The following LRRC7 variants were observed in gnomAD, a reference collection of about 807,000 sequenced individuals.
The protein encoded by LRRC7 is leucine rich repeat containing 7.
In LRRC7, 23 loss-of-function variants were observed where a neutral mutation model predicts 175.7. The ratio of observed to expected loss-of-function variants is 0.13; its 90% CI spans 0.09 to 0.19. The LOEUF (loss-of-function observed/expected upper bound fraction) is 0.19, where lower values mean the gene tolerates loss of function less well. LRRC7 is among the 10% of genes least tolerant of loss of function. The pLI, the probability that LRRC7 is intolerant of heterozygous loss-of-function variation, is 1.00. For synonymous variants in LRRC7, 685 were observed against 680.9 expected (o/e 1.01, Z -0.09); for missense variants, 1,354 against 1,904.7 (o/e 0.71, Z 5.38).
At chr1:69,724,660 G>A (rs1287834402) in intron 2 of LRRC7, among the ~76,000 whole-genome samples, 1 of 152,020 alleles carries the variant, frequency 6.6e-6, no homozygotes, top group Non-Finnish European at 1.5e-5. Context: ...ATGTTTATTG[G>A]GCATCTGTTA....
chr1:69,616,969 T>G lies in LRRC7; in HGVS notation c.2+48328T>G, dbSNP rs531625968. ...GAACTTGTGCCTAACTTTATATCAC[T>G]AGATAAAATTCAAATGTCAGAAGTC... On this transcript the variant is annotated intron_variant, in intron 1 of 26. Coordinates refer to ENST00000651989, the MANE Select transcript of LRRC7 (RefSeq NM_001370785.2). Among the ~76,000 whole-genome samples, 4 of 152,260 alleles carry G rather than the reference T, an allele frequency of 2.6e-5. No individual in the cohort carries two copies. The South Asian group carries it at 8.3e-4, about 32-fold the overall frequency.
intron 4 of LRRC7, among the ~76,000 whole-genome samples, chr1:69,802,633 A>G (rs1011879011): frequency 4.6e-5 from 7 of 151,286 alleles, no homozygotes; most frequent in Non-Finnish European, 7.4e-5. Context: ...TGAATTTCTT[A>G]TAAGCAGCAT....
chr1:69,857,270 C>T (rs1683767300), intron 7 of LRRC7, among the ~76,000 whole-genome samples: 1 of 152,124 alleles, frequency 6.6e-6, no homozygotes, highest in African/African-American at 2.4e-5. Context: ...CCAGGGCAAT[C>T]AGGCAGGAGA....
intron 7 of LRRC7, among the ~76,000 whole-genome samples, chr1:69,882,718 C>A (rs555735793): frequency 6.6e-6 from 1 of 150,498 alleles, no homozygotes; most frequent in Non-Finnish European, 1.5e-5. Flanking sequence ...CACCCACTAA[C>A]CCGTCATCTA....
chr1:69,944,566 T>G (rs569510603), intron 8 of LRRC7, among the ~76,000 whole-genome samples: 7 of 152,232 alleles, frequency 4.6e-5, no homozygotes, highest in Non-Finnish European at 1.0e-4. Flanking sequence ...ATTTTTAATT[T>G]TTTGAAGAAA....
chr1:69,889,081 G>C (rs1414599343), intron 7 of LRRC7, among the ~76,000 whole-genome samples: 1 of 152,118 alleles, frequency 6.6e-6, no homozygotes, highest in East Asian at 1.9e-4. Flanking sequence ...ATATCCTAAT[G>C]AAAAAATACT....
chr1:69,833,366 C>T (rs1680745505), intron 5 of LRRC7, among the ~76,000 whole-genome samples: 4 of 151,904 alleles, frequency 2.6e-5, no homozygotes, highest in Admixed American at 2.6e-4. Flanking sequence ...TGTTTCAAAA[C>T]AGAGTAGTAA....
At chr1:69,600,323 G>A (rs1212055334) in intron 1 of LRRC7, among the ~76,000 whole-genome samples, 5 of 152,060 alleles carry the variant, frequency 3.3e-5, no homozygotes, top group South Asian at 4.2e-4. Context: ...CAGGATATCC[G>A]GGATACCACA....
At chr1:69,581,557 C>T (rs2764536) in intron 1 of LRRC7, among the ~76,000 whole-genome samples, 61,397 of 151,944 alleles carry the variant, frequency 0.4, 13,227 homozygotes, top group Middle Eastern at 0.48. Flanking sequence ...CCGTGTATAA[C>T]TAGAACATTG....
chr1:70,117,257 C>CTTT (rs1665925125), intron 26 of LRRC7, among the ~76,000 whole-genome samples: 1 of 152,150 alleles, frequency 6.6e-6, no homozygotes, highest in Non-Finnish European at 1.5e-5. Flanking sequence ...AAGCTTAGAG[C>CTTT]TTTGGATAAT....
At chr1:69,909,171 G>A (rs541615025) in intron 7 of LRRC7, among the ~76,000 whole-genome samples, 495 of 152,142 alleles carry the variant, frequency 3.3e-3, no homozygotes, top group African/African-American at 0.011. Context: ...GTCTCTGCAC[G>A]TGAGATGGGT....
intron 18 of LRRC7, among the ~76,000 whole-genome samples, chr1:70,029,891 A>G (rs1476447004): frequency 6.6e-6 from 1 of 152,142 alleles, no homozygotes; most frequent in Non-Finnish European, 1.5e-5. Flanking sequence ...ACAAATCCAA[A>G]ATTAGATTTA....
intron 1 of LRRC7, among the ~76,000 whole-genome samples, chr1:69,647,027 T>G (rs948893741): frequency 2.0e-5 from 3 of 152,038 alleles, no homozygotes; most frequent in Admixed American, 1.3e-4. Flanking sequence ...AAAAAAAATG[T>G]CATAGTAGGA....
At chr1:69,856,792 C>G (rs930212139) in intron 7 of LRRC7, among the ~76,000 whole-genome samples, 1 of 152,122 alleles carries the variant, frequency 6.6e-6, no homozygotes, top group Non-Finnish European at 1.5e-5. Flanking sequence ...ATACCAAAGC[C>G]TGGCAGAGAC....
At chr1:69,836,152 T>C (rs1450282177) in intron 6 of LRRC7, among the ~76,000 whole-genome samples, 2 of 152,048 alleles carry the variant, frequency 1.3e-5, no homozygotes, top group Non-Finnish European at 1.5e-5. Flanking sequence ...AAGAACTCAG[T>C]TGAATAATGA....
At chr1:69,780,033 A>T (rs907223454) in intron 3 of LRRC7, among the ~76,000 whole-genome samples, 1 of 152,108 alleles carries the variant, frequency 6.6e-6, no homozygotes, top group African/African-American at 2.4e-5. Context: ...GCTCACTTCT[A>T]CTAACAGTGC....
At chr1:69,892,554 C>T (rs12751816) in intron 7 of LRRC7, among the ~76,000 whole-genome samples, 61,546 of 152,046 alleles carry the variant, frequency 0.4, 13,399 homozygotes, top group East Asian at 0.55. Flanking sequence ...GTATGAATTA[C>T]GACTCAAACT....
At chr1:69,795,907 TTTG>T (rs368673103) in intron 4 of LRRC7, among the ~76,000 whole-genome samples, 37,695 of 145,632 alleles carry the variant, frequency 0.26, 5,072 homozygotes, top group Middle Eastern at 0.4. Flanking sequence ...ACAGATTTTT[TTTG>T]GGTTTTTTTT....
chr1:69,573,313 A>C (rs1012705832), intron 1 of LRRC7, among the ~76,000 whole-genome samples: 1 of 152,192 alleles, frequency 6.6e-6, no homozygotes, highest in Non-Finnish European at 1.5e-5. Flanking sequence ...TTCGGTAAAT[A>C]ACTTAAATCT....
Sources: allele counts gnomAD v4.1 joint callset (sites outside exome capture counted in the v4.1 genomes callset), GRCh38; gene constraint gnomAD v4.1.1; transcripts MANE v1.5; gene names NCBI Gene and HGNC (gene_info 2026-07-23, HGNC 2026-07-21).